ATP9A: variants seen among roughly 807,000 people sequenced by gnomAD.
ATP9A encodes the protein ATPase phospholipid transporting 9A, also known as probable phospholipid-transporting ATPase IIA.
A neutral mutation model predicts 144.1 loss-of-function variants in ATP9A; 52 were observed. The observed-to-expected ratio is 0.36, with a 90% CI of 0.29 to 0.45. ATP9A has a LOEUF of 0.45. Among genes scored for constraint, ATP9A ranks in the 20% least tolerant of loss-of-function variants. The pLI, the probability that ATP9A is intolerant of heterozygous loss-of-function variation, is 1.00. For missense variants in ATP9A, 947 were observed against 1,392.7 expected (o/e 0.68, Z 5.09); for synonymous variants, 582 against 557.4 (o/e 1.04, Z -0.62).
intron 1 of ATP9A, among the ~76,000 whole-genome samples, chr20:51,760,306 G>A (rs1302856876): frequency 1.3e-5 from 2 of 152,100 alleles, no homozygotes; most frequent in Non-Finnish European, 2.9e-5. Flanking sequence ...CCTAAAACGA[G>A]GTTCTTCATT....
chr20:51,657,021 A>C lies in ATP9A; in HGVS notation c.1423T>G (p.Ser475Ala), dbSNP rs2077389761. 6.2e-7 allele frequency: 1 copy of C among 1,614,114 alleles called. No individual in the cohort carries two copies. Residue 475 changes from serine to alanine, a missense_variant, in exon 14 of 28, where the codon TCC becomes GCC. Around this residue, in one of 2 missense-constraint regions of ATP9A, gnomAD observed 770 missense variants for 1,047.9 expected, o/e 0.73. Transcript: ENST00000338821. ...TCAGCCTGATCAGTCACACCGTTGGACTCATACACGGGAGTCACGTTGTGG... is the reference window on the plus strand; with the variant it reads ...TCAGCCTGATCAGTCACACCGTTGGCCTCATACACGGGAGTCACGTTGTGG... The part of the protein sequence containing the change: ...LCHNVTPVYE[S>A]NGVTDQAEAE...
intron 9 of ATP9A, among the ~76,000 whole-genome samples, chr20:51,687,025 AATGAG>A (rs2077526107): frequency 1.3e-5 from 2 of 152,042 alleles, no homozygotes; most frequent in South Asian, 2.1e-4. Flanking sequence ...ATTCAAACTG[AATGAG>A]ATAATTATTT....
chr20:51,667,708 G>A, intron 13 of ATP9A, among the ~76,000 whole-genome samples: 1 of 152,062 alleles, frequency 6.6e-6, no homozygotes, highest in East Asian at 1.9e-4. Context: ...ACGGCAGACA[G>A]GCGAGGAAGG....
At chr20:51,629,557 G>A (rs138483167) in intron 15 of ATP9A, among the ~76,000 whole-genome samples, 36 of 152,204 alleles carry the variant, frequency 2.4e-4, no homozygotes, top group East Asian at 9.7e-4. Flanking sequence ...TGGCCCCTAC[G>A]CACTAGATGC....
At chr20:51,609,263 C>G (rs377527657) in intron 24 of ATP9A, among the ~76,000 whole-genome samples, 51 of 152,274 alleles carry the variant, frequency 3.3e-4, no homozygotes, top group African/African-American at 1.2e-3. Flanking sequence ...TTCTTGTACT[C>G]TTCCAGAACC....
intron 3 of ATP9A, among the ~76,000 whole-genome samples, chr20:51,719,816 G>T (rs1400120085): frequency 1.3e-5 from 2 of 151,780 alleles, no homozygotes; most frequent in African/African-American, 4.8e-5. Context: ...GGAGGCCAAG[G>T]CGAGAGGATC....
intron 4 of ATP9A, among the ~76,000 whole-genome samples, chr20:51,708,372 TA>T (rs920468733): frequency 6.6e-6 from 1 of 151,496 alleles, no homozygotes; most frequent in African/African-American, 2.4e-5. Context: ...GCAACAACAA[TA>T]AAAAAACCTG....
At chr20:51,713,761 C>T (rs2077649946) in intron 3 of ATP9A, among the ~76,000 whole-genome samples, 1 of 152,206 alleles carries the variant, frequency 6.6e-6, no homozygotes, top group African/African-American at 2.4e-5. Context: ...ACTGCAACCC[C>T]ATTCATATAA....
intron 14 of ATP9A, among the ~76,000 whole-genome samples, chr20:51,652,851 G>A (rs796805745): frequency 1.2e-4 from 18 of 152,150 alleles, no homozygotes; most frequent in African/African-American, 4.3e-4. Flanking sequence ...GCTCACGCCT[G>A]TAATCCCAAC....
intron 19 of ATP9A, among the ~76,000 whole-genome samples, chr20:51,620,227 A>G (rs2077221129): frequency 6.6e-6 from 1 of 152,188 alleles, no homozygotes; most frequent in South Asian, 2.1e-4. Context: ...TATGCAAACG[A>G]GCCGGTCTGT....
At chr20:51,700,135 G>C (rs1017467757) in intron 4 of ATP9A, among the ~76,000 whole-genome samples, 1 of 152,192 alleles carries the variant, frequency 6.6e-6, no homozygotes. Context: ...TGGCCTGCTA[G>C]AGAGAGATCC....
At chr20:51,662,117 A>G (rs2077413280) in intron 13 of ATP9A, among the ~76,000 whole-genome samples, 1 of 152,222 alleles carries the variant, frequency 6.6e-6, no homozygotes, top group South Asian at 2.1e-4. Flanking sequence ...CCTGACAGCC[A>G]CTGAAACTAT....
intron 10 of ATP9A, 129 bp from the exon 11 acceptor site, chr20:51,674,442 C>G (rs2122792435): frequency 1.1e-6 from 1 of 891,320 alleles, no homozygotes; most frequent in East Asian, 2.6e-5. Context: ...AGAGCTGGTC[C>G]TTCCCCTACA....
At chr20:51,627,769 C>A (rs1021545351) in intron 16 of ATP9A, 86 bp from the exon 17 acceptor site, 14 of 1,097,634 alleles carry the variant, frequency 1.3e-5, no homozygotes, top group African/African-American at 3.1e-5. Context: ...GTGGATGTGC[C>A]CCTCCCACAG....
At chr20:51,642,554 C>T (rs2077324038) in intron 14 of ATP9A, among the ~76,000 whole-genome samples, 1 of 151,550 alleles carries the variant, frequency 6.6e-6, no homozygotes, top group Non-Finnish European at 1.5e-5. Context: ...GGATCAAGGT[C>T]GCTTGATCAC....
rs773701183 is a variant in ATP9A at position 51,622,200 on chromosome 20, G to A, written c.2017-28C>T. 2.7e-5 allele frequency: 43 copies of A among 1,595,066 alleles called. 2 individuals are homozygous for A. In the South Asian group the frequency reaches 4.5e-4, roughly 17 times the overall value. On this transcript the variant is annotated intron_variant, in intron 18 of 27. Transcript: ENST00000338821. ...GAAATCATGGCGTGACAGAGGTCCT[G>A]TTTATTAGTTTTTGAGGCCGGCCTG...
chr20:51,688,258 T>C (rs918034588), intron 9 of ATP9A, among the ~76,000 whole-genome samples: 23 of 152,184 alleles, frequency 1.5e-4, no homozygotes, highest in Non-Finnish European at 2.6e-4. Context: ...GGGGGTCATA[T>C]TCAGCCCATG....
At chr20:51,730,769 A>AAAAAATACAGT (rs2077737454) in intron 1 of ATP9A, among the ~76,000 whole-genome samples, 1 of 152,358 alleles carries the variant, frequency 6.6e-6, no homozygotes, top group South Asian at 2.1e-4. Flanking sequence ...CTACATATAG[A>AAAAAATACAGT]AAAAATACAG....
intron 4 of ATP9A, among the ~76,000 whole-genome samples, chr20:51,710,264 T>C (rs2077632168): frequency 1.3e-5 from 2 of 152,008 alleles, no homozygotes; most frequent in African/African-American, 4.8e-5. Flanking sequence ...GATCGCGACA[T>C]TGCACTCCAG....
Sources: gnomAD v4.1 joint callset for allele counts (sites outside exome capture counted in the v4.1 genomes callset) on GRCh38, gnomAD v4.1.1 for gene constraint, gnomAD v4.1.1 regional missense constraint, MANE v1.5 for transcripts, NCBI Gene and HGNC (gene_info 2026-07-23, HGNC 2026-07-21) for gene names.